Variants in TRAF3IP1 observed in about 807,000 individuals in gnomAD.
The protein encoded by TRAF3IP1 is intraflagellar transport 54.
TRAF3IP1 carries 53 observed loss-of-function variants against 89.9 expected under a neutral mutation model. The observed-to-expected ratio is 0.59, with a 90% CI of 0.47 to 0.74. The LOEUF (loss-of-function observed/expected upper bound fraction) is 0.74. Among genes scored for constraint, TRAF3IP1 ranks in the 30% least tolerant of loss-of-function variants. The probability of loss-of-function intolerance (pLI) is 0.00; values close to 1 mark genes in which losing one functional copy is unlikely to be tolerated. For missense variants in TRAF3IP1, 806 were observed against 866.1 expected, an observed-to-expected ratio of 0.93 and a Z score of 0.87; for synonymous variants, 311 against 322.1, an observed-to-expected ratio of 0.97 and a Z score of 0.37.
rs1476592202 is a variant in TRAF3IP1, at chr2:238,356,012, G to A, written c.1621G>A (p.Val541Met). 6.2e-7 allele frequency: 1 copy of A among 1,613,234 alleles called. No individual in the cohort carries two copies. ...CACTGATTTTTCAACAGGTGGACTT[G>A]TGAAAAAAATTTTGGAGACGAAGAA... is the stretch of plus-strand genomic sequence containing the variant. ...LEEEEKHGGL[V>M]KKILETKKDY... Residue 541 changes from valine (V) to methionine (M), a missense_variant, in exon 15 of 17, where the codon GTG becomes ATG. Around this residue, in one of 3 missense-constraint regions of TRAF3IP1, gnomAD observed 732 missense variants for 780.5 expected, o/e 0.94. Transcript: ENST00000373327.
intron 15 of TRAF3IP1, among the ~76,000 whole-genome samples, chr2:238,357,078 G>A (rs1017358377): frequency 2.6e-5 from 4 of 152,156 alleles, no homozygotes; most frequent in African/African-American, 9.7e-5. Context: ...GCGCCTGGCC[G>A]GGAATGTTTT....
chr2:238,350,369 C>T (rs1265005753), intron 12 of TRAF3IP1, among the ~76,000 whole-genome samples: 2 of 151,942 alleles, frequency 1.3e-5, no homozygotes, highest in African/African-American at 4.8e-5. Flanking sequence ...GGAACGGGCG[C>T]GGAGGTGGAG....
intron 7 of TRAF3IP1, among the ~76,000 whole-genome samples, chr2:238,335,423 C>T (rs903105993): frequency 3.9e-5 from 6 of 152,182 alleles, no homozygotes; most frequent in African/African-American, 1.2e-4. Flanking sequence ...GTCTGGGTTA[C>T]GGGCTTTTTT....
intron 6 of TRAF3IP1, 33 bp from the exon 7 acceptor site, chr2:238,333,927 C>A: frequency 6.5e-7 from 1 of 1,535,842 alleles, no homozygotes; most frequent in Non-Finnish European, 8.9e-7. Flanking sequence ...TGTAATACAT[C>A]AATTAATTTC....
chr2:238,320,653 G>T lies in TRAF3IP1; in HGVS notation c.-10G>T. 7.4e-7 allele frequency: 1 copy of T among 1,346,306 alleles called. No homozygotes were observed. Among genetic ancestry groups the T allele is most frequent in the Non-Finnish European group, 9.7e-7 (1 of 1,031,250 alleles). 83.4% of individuals were successfully genotyped at this position (1,346,306 alleles called of 1,614,324 possible). A position where few individuals can be genotyped will look rare whatever the true frequency, so the allele number is the denominator to read the frequency against. On this transcript the variant is annotated 5_prime_UTR_variant, in exon 1 of 17. Transcript: ENST00000373327. Reference sequence around the variant, plus strand: ...GGGGCGCGGGCGGCCAGCGGGCGGCGGACGCCGTCATGAACGCGGCGGTGG... The same window carrying T: ...GGGGCGCGGGCGGCCAGCGGGCGGCTGACGCCGTCATGAACGCGGCGGTGG...
Position 238,331,015 on chromosome 2 carries a change from G to T in TRAF3IP1, c.915+1673G>T, listed in dbSNP as rs554143536. Among the ~76,000 whole-genome samples the T allele has an allele frequency of 1.8e-3, 268 of 152,160 alleles. 1 individual carries two copies. The highest frequency in any genetic ancestry group is 2.9e-3 in the Non-Finnish European group (200 of 68,014). ...TTTTTCTGAGGCACTAGTATATTCG[G>T]GTGTATTTTGCTGTGCATGAGGCAT... On this transcript the variant is annotated intron_variant, in intron 5 of 16. Coordinates refer to ENST00000373327, the MANE Select transcript of TRAF3IP1 (RefSeq NM_015650.4).
At chr2:238,361,116 G>T (rs564755837) in intron 15 of TRAF3IP1, among the ~76,000 whole-genome samples, 3 of 149,126 alleles carry the variant, frequency 2.0e-5, no homozygotes, top group South Asian at 2.1e-4. Flanking sequence ...TCTGAATCTC[G>T]GCTCACTGCA....
intron 2 of TRAF3IP1, among the ~76,000 whole-genome samples, 176 bp downstream of exon 2, chr2:238,325,550 C>G (rs899365685): frequency 6.6e-6 from 1 of 152,168 alleles, no homozygotes; most frequent in African/African-American, 2.4e-5. Flanking sequence ...ATTGTGGCAA[C>G]TGGATGTCAT....
intron 8 of TRAF3IP1, among the ~76,000 whole-genome samples, chr2:238,340,957 A>G (rs1698625109): frequency 6.6e-6 from 1 of 152,056 alleles, no homozygotes; most frequent in African/African-American, 2.4e-5. Context: ...TCCCGGGTTC[A>G]AGCGATTCTT....
At chr2:238,327,390 T>A (rs1234970665) in intron 3 of TRAF3IP1, among the ~76,000 whole-genome samples, 1 of 152,176 alleles carries the variant, frequency 6.6e-6, no homozygotes, top group East Asian at 1.9e-4. Flanking sequence ...CGGTGTGTCT[T>A]TGGCCTAAAT....
At chr2:238,359,570 T>A (rs1699572870) in intron 15 of TRAF3IP1, among the ~76,000 whole-genome samples, 2 of 152,234 alleles carry the variant, frequency 1.3e-5, no homozygotes, top group South Asian at 4.1e-4. Context: ...TTGTTTTTAT[T>A]GCTGAGTAGT....
chr2:238,379,787 A>C lies in TRAF3IP1; in HGVS notation c.1690-17672A>C, dbSNP rs1291526411. On this transcript the variant is annotated intron_variant, in intron 15 of 16. Transcript: ENST00000373327. This position sits in a 1 kb window ranked among gnomAD's most constrained non-coding sequence, Gnocchi z 4.0. ...AGAAGGCAAAATGTGTAATAATAACACTGGAGCCAGAATGATAAGGAAATA... is the reference window on the plus strand; with the variant it reads ...AGAAGGCAAAATGTGTAATAATAACCCTGGAGCCAGAATGATAAGGAAATA... Among the ~76,000 whole-genome samples, 1 of 152,234 alleles carries C rather than the reference A, an allele frequency of 6.6e-6. No individual in the cohort carries two copies. The highest frequency in any genetic ancestry group is 1.5e-5 in the Non-Finnish European group (1 of 68,036).
chr2:238,360,225 T>C (rs1699599234), intron 15 of TRAF3IP1, among the ~76,000 whole-genome samples: 1 of 152,238 alleles, frequency 6.6e-6, no homozygotes, highest in Non-Finnish European at 1.5e-5. Context: ...AGATTGCAGG[T>C]AACTGAAACT....
intron 7 of TRAF3IP1, among the ~76,000 whole-genome samples, chr2:238,335,824 G>C (rs1018258498): frequency 6.9e-6 from 1 of 145,702 alleles, no homozygotes; most frequent in Non-Finnish European, 1.5e-5. Context: ...ATTTTGAGAC[G>C]GAGTCTCACT....
intron 8 of TRAF3IP1, among the ~76,000 whole-genome samples, chr2:238,341,009 C>T (rs1191143409): frequency 6.6e-6 from 1 of 151,974 alleles, no homozygotes; most frequent in Non-Finnish European, 1.5e-5. Context: ...AGGTGTGTGC[C>T]ACGATACCCG....
chr2:238,353,350 G>C, intron 14 of TRAF3IP1, 141 bp downstream of exon 14: 2 of 832,092 alleles, frequency 2.4e-6, no homozygotes, highest in Non-Finnish European at 1.9e-6. Context: ...GATCACACTG[G>C]TGGTACATAG....
chr2:238,351,835 GT>G lies in TRAF3IP1; in HGVS notation c.1452-991del, dbSNP rs59026270. On this transcript the variant is annotated intron_variant, in intron 12 of 16. Transcript: ENST00000373327. This position sits in a 1 kb window ranked among gnomAD's most constrained non-coding sequence, Gnocchi z 5.2. ...GGCACTGAAGCAAGGGAGGATTTTG[GT>G]GTGTGTGTGTGTGTGTGTGTGTGTG... 0.17 allele frequency among the ~76,000 whole-genome samples: 8,920 copies of G among 51,586 alleles called. 382 individuals are homozygous for G. Among genetic ancestry groups the G allele is most frequent in the Non-Finnish European group, 0.19 (5,472 of 29,172 alleles). The allele number at this position is 51,586 out of a possible 152,430, so 33.8% of individuals were successfully genotyped here.
chr2:238,364,028 C>T (rs1699770087), intron 15 of TRAF3IP1, among the ~76,000 whole-genome samples: 1 of 152,056 alleles, frequency 6.6e-6, no homozygotes, highest in African/African-American at 2.4e-5. Flanking sequence ...TCACCATTAT[C>T]GATTTATACA....
At chr2:238,375,047 TCTATCAG>T (rs1559386282) in intron 15 of TRAF3IP1, among the ~76,000 whole-genome samples, 3 of 152,192 alleles carry the variant, frequency 2.0e-5, no homozygotes, top group African/African-American at 7.2e-5. Flanking sequence ...TTGCTAGCGG[TCTATCAG>T]TTTTGTTGAT....
Sources: gnomAD v4.1 joint callset for allele counts (sites outside exome capture counted in the v4.1 genomes callset) on GRCh38, gnomAD v4.1.1 for gene constraint, gnomAD v4.1.1 regional missense constraint, Gnocchi (gnomAD v3.1) non-coding constraint, MANE v1.5 for transcripts, NCBI Gene and HGNC (gene_info 2026-07-23, HGNC 2026-07-21) for gene names.